Variants in TNFAIP8L3 observed in about 807,000 individuals in gnomAD.
TNFAIP8L3 encodes TNF alpha induced protein 8 like 3.
A neutral mutation model predicts 11.8 loss-of-function variants in TNFAIP8L3; 7 were observed. The observed-to-expected ratio is 0.59, with a 90% CI of 0.34 to 1.11. The LOEUF (loss-of-function observed/expected upper bound fraction) is 1.11. Among genes scored for constraint, TNFAIP8L3 ranks in the 50% most tolerant of loss-of-function variants. The pLI is 0.03. For missense variants in TNFAIP8L3, 219 were observed against 258.6 expected (o/e 0.85, Z 1.05); for synonymous variants, 98 against 103.8 (o/e 0.94, Z 0.34).
At chr15:51,068,427 C>A (rs2065285780) in intron 1 of TNFAIP8L3, among the ~76,000 whole-genome samples, 1 of 152,140 alleles carries the variant, frequency 6.6e-6, no homozygotes, top group South Asian at 2.1e-4. Context: ...TTCCCATTTT[C>A]CCCTGCAAAC....
intron 1 of TNFAIP8L3, among the ~76,000 whole-genome samples, chr15:51,065,831 T>C (rs16953046): frequency 0.37 from 56,755 of 152,114 alleles, 10,953 homozygotes; most frequent in African/African-American, 0.44. Context: ...TCTAAATAGC[T>C]TGAGATAATG....
At chr15:51,096,630 G>C (rs1157348061), upstream of TNFAIP8L3, among the ~76,000 whole-genome samples, 1 of 152,158 alleles carries the variant, frequency 6.6e-6, no homozygotes, top group Non-Finnish European at 1.5e-5. Context: ...GGTGGCTCAC[G>C]CCTGTAATCC....
chr15:51,087,919 T>TTATATAGATATATATATATATATA (rs2065440929), intron 1 of TNFAIP8L3, among the ~76,000 whole-genome samples: 1 of 101,564 alleles, frequency 9.8e-6, no homozygotes, highest in Non-Finnish European at 2.0e-5. Flanking sequence ...TAGCATACCT[T>TTATATAGATATATATATATATATA]TATATATATA....
intron 1 of TNFAIP8L3, among the ~76,000 whole-genome samples, chr15:51,069,041 G>A (rs993225483): frequency 8.5e-5 from 13 of 152,144 alleles, no homozygotes; most frequent in Non-Finnish European, 1.8e-4. Flanking sequence ...GGGTGCAATA[G>A]GACGGGGGCA....
intron 1 of TNFAIP8L3, among the ~76,000 whole-genome samples, chr15:51,087,304 C>G (rs1357061835): frequency 2.6e-5 from 4 of 152,192 alleles, no homozygotes; most frequent in Non-Finnish European, 5.9e-5. Flanking sequence ...GCCACAGAGG[C>G]CTGCTGGGCA....
chr15:51,093,466 T>C (rs2065487295), intron 1 of TNFAIP8L3, among the ~76,000 whole-genome samples: 1 of 152,254 alleles, frequency 6.6e-6, no homozygotes, highest in East Asian at 1.9e-4. Flanking sequence ...GGCACTGTCC[T>C]GCTTGGTTCC....
In TNFAIP8L3 at chr15:51,094,336, C is replaced by T. The variant is rs1415951478; in HGVS notation, c.52+208G>A. Reference sequence around the variant, plus strand: ...GGGAGACTGGCAGCAAGGAGAGCCACCCCTAAATGCACCTTCCCTCCCTCC... The same window carrying T: ...GGGAGACTGGCAGCAAGGAGAGCCATCCCTAAATGCACCTTCCCTCCCTCC... On this transcript the variant is annotated intron_variant, in intron 1 of 1. Transcript: ENST00000637513. This position sits in a 1 kb window ranked among gnomAD's most constrained non-coding sequence, Gnocchi z 4.4. Among the ~76,000 whole-genome samples the T allele has an allele frequency of 6.6e-6, 1 of 152,146 alleles. No individual in the cohort carries two copies. The highest frequency in any genetic ancestry group is 1.5e-5 in the Non-Finnish European group (1 of 68,024).
chr15:51,083,208 C>CAATT (rs1354511743), intron 1 of TNFAIP8L3, among the ~76,000 whole-genome samples: 1 of 152,132 alleles, frequency 6.6e-6, no homozygotes, highest in African/African-American at 2.4e-5. Flanking sequence ...AAGGAATCTT[C>CAATT]AATTAAATTT....
chr15:51,095,262 AGCGGGGAATAAGGGAAGGGG>A (rs1225604385), upstream of TNFAIP8L3, among the ~76,000 whole-genome samples: 2 of 16,208 alleles, frequency 1.2e-4, no homozygotes, highest in East Asian at 3.0e-3. Context: ...AAGGGAAGGG[AGCGGGGAATAAGGGAAGGGG>A]GCGGGGTGGG....
chr15:51,071,438 G>T (rs748507068), intron 1 of TNFAIP8L3, among the ~76,000 whole-genome samples: 1 of 151,810 alleles, frequency 6.6e-6, no homozygotes, highest in African/African-American at 2.4e-5. Flanking sequence ...ATCTATCCAC[G>T]TTTTTATGCT....
upstream of TNFAIP8L3, among the ~76,000 whole-genome samples, chr15:51,098,875 C>G (rs548163967): frequency 1.3e-5 from 2 of 152,192 alleles, no homozygotes; most frequent in East Asian, 3.9e-4. Context: ...GATGAGTATA[C>G]CATATGTATT....
chr15:51,067,253 T>C (rs995615919), intron 1 of TNFAIP8L3, among the ~76,000 whole-genome samples: 2 of 152,196 alleles, frequency 1.3e-5, no homozygotes, highest in Non-Finnish European at 2.9e-5. Context: ...CTTTGCAGCA[T>C]ATTCTTGAAG....
chr15:51,092,782 C>T (rs1302068302), intron 1 of TNFAIP8L3, among the ~76,000 whole-genome samples: 2 of 152,190 alleles, frequency 1.3e-5, no homozygotes, highest in South Asian at 4.1e-4. Context: ...CAGGGTGCAG[C>T]AGAATTCTTT....
chr15:51,101,499 T>C (rs2065550090), intron 1 of TNFAIP8L3, among the ~76,000 whole-genome samples: 1 of 151,960 alleles, frequency 6.6e-6, no homozygotes, highest in South Asian at 2.1e-4. Context: ...TGCATGCCTA[T>C]AATCCCAGCT....
intron 1 of TNFAIP8L3, among the ~76,000 whole-genome samples, chr15:51,100,042 G>A (rs1232617910): frequency 1.3e-5 from 2 of 152,152 alleles, no homozygotes; most frequent in African/African-American, 4.8e-5. Flanking sequence ...AGCCAACATG[G>A]GTTCCTTACC....
upstream of TNFAIP8L3, among the ~76,000 whole-genome samples, chr15:51,095,724 C>A (rs1276900490): frequency 6.6e-6 from 1 of 152,040 alleles, no homozygotes; most frequent in Non-Finnish European, 1.5e-5. Context: ...CACGGAGCAC[C>A]GAGGCCTTTT....
At chr15:51,058,880 C>G (rs892211918) in intron 1 of TNFAIP8L3, among the ~76,000 whole-genome samples, 1 of 152,368 alleles carries the variant, frequency 6.6e-6, no homozygotes, top group Admixed American at 6.5e-5. Context: ...ACCCCATTCC[C>G]AGGGCAGACA....
intron 1 of TNFAIP8L3, among the ~76,000 whole-genome samples, chr15:51,061,119 G>C (rs2065240314): frequency 6.6e-6 from 1 of 152,190 alleles, no homozygotes; most frequent in African/African-American, 2.4e-5. Context: ...CTGATCAAAA[G>C]AGCAAGACTG....
At chr15:51,068,192 T>C (rs2140967136) in intron 1 of TNFAIP8L3, among the ~76,000 whole-genome samples, 1 of 152,236 alleles carries the variant, frequency 6.6e-6, no homozygotes, top group African/African-American at 2.4e-5. Context: ...GGTTCAGGGA[T>C]GAGTCAAGGA....
Sources: gnomAD v4.1 joint callset for allele counts (sites outside exome capture counted in the v4.1 genomes callset) on GRCh38, gnomAD v4.1.1 for gene constraint, Gnocchi (gnomAD v3.1) non-coding constraint, MANE v1.5 for transcripts, NCBI Gene and HGNC (gene_info 2026-07-23, HGNC 2026-07-21) for gene names.